Variants in PCDHAC2 observed in about 807,000 individuals in gnomAD.
PCDHAC2 encodes the protein protocadherin alpha-C2.
Under a neutral mutation model 63.3 loss-of-function variants are expected in PCDHAC2, and 24 were observed. That is an observed-to-expected ratio of 0.38 (90% CI 0.27 to 0.53). The LOEUF is 0.53. Ranked by LOEUF, PCDHAC2 falls within the 20% of genes least tolerant of loss-of-function variation. The pLI is 0.81. For missense variants in PCDHAC2, 1,181 were observed against 1,275.2 expected, an observed-to-expected ratio of 0.93 and a Z score of 1.12; for synonymous variants, 569 against 529.4, an observed-to-expected ratio of 1.07 and a Z score of -1.03.
chr5:140,986,198 C>T (rs782730684), intron 3 of PCDHAC2, among the ~76,000 whole-genome samples: 1 of 152,200 alleles, frequency 6.6e-6, no homozygotes, highest in African/African-American at 2.4e-5. Flanking sequence ...ATTGGTTAAT[C>T]CTGATTACTG....
At position 140,968,396 on chromosome 5, in the gene PCDHAC2, G is replaced by A. The variant is rs1181874720; in HGVS notation, c.1630G>A (p.Glu544Lys). The A allele has an allele frequency of 6.2e-7, 1 of 1,613,890 alleles. No homozygotes were observed. The highest frequency in any genetic ancestry group is 8.5e-7 in the Non-Finnish European group (1 of 1,180,012). ...CTCCTTTGACTATGAGAAGTTTCGG[G>A]AGTTCTTTGTGACTGTGGAGGCTCA... is the stretch of plus-strand genomic sequence containing the variant. ...VNSFDYEKFR[E>K]FFVTVEAQDK... is the part of the protein sequence containing the mutation. Residue 544 changes from glutamate to lysine, a missense_variant, in exon 1 of 4, where the codon GAG (glutamate) becomes AAG (lysine). Coordinates refer to ENST00000289269, the MANE Select transcript of PCDHAC2 (RefSeq NM_018899.6).
At chr5:140,993,894 A>G (rs1267639459) in intron 3 of PCDHAC2, among the ~76,000 whole-genome samples, 2 of 152,204 alleles carry the variant, frequency 1.3e-5, no homozygotes, top group African/African-American at 4.8e-5. Flanking sequence ...TGATGTCCAT[A>G]CAACAAAAAT....
At position 140,968,961 on chromosome 5, in the gene PCDHAC2, A is replaced by G. The variant is rs1554231270; in HGVS notation, c.2195A>G (p.Tyr732Cys). ...TIIILSIIKC[Y>C]RYTAYGTACC... ...ATCATTTTGAGCATCATCAAGTGCT[A>G]CCGCTACACTGCGTATGGCACTGCA... is the stretch of plus-strand genomic sequence containing the variant. The change falls in exon 1 of 4, where the codon TAC becomes TGC. Residue 732 changes from tyrosine to cysteine, a missense_variant. Tyr to Cys is a radical substitution (Grantham distance 194). Around this residue, in one of 3 missense-constraint regions of PCDHAC2, gnomAD observed 968 missense variants for 1,073.5 expected, o/e 0.90. Transcript: ENST00000289269. The G allele has an allele frequency of 6.2e-7, 1 of 1,614,088 alleles. No individual in the cohort carries two copies. Among genetic ancestry groups the G allele is most frequent in the African/African-American group, 1.3e-5 (1 of 74,936 alleles).
chr5:140,988,038 T>C (rs1045669411), intron 3 of PCDHAC2, among the ~76,000 whole-genome samples: 1 of 152,212 alleles, frequency 6.6e-6, no homozygotes, highest in African/African-American at 2.4e-5. Flanking sequence ...TTTTAGAATC[T>C]GTTTAGGAGC....
At chr5:140,977,097 G>T (rs988046010) in intron 1 of PCDHAC2, among the ~76,000 whole-genome samples, 2 of 152,222 alleles carry the variant, frequency 1.3e-5, no homozygotes, top group African/African-American at 4.8e-5. Flanking sequence ...GTGTCATTGG[G>T]GAAGTGAGAT....
intron 2 of PCDHAC2, among the ~76,000 whole-genome samples, chr5:140,980,573 T>G (rs1040024915): frequency 6.6e-6 from 1 of 152,066 alleles, no homozygotes; most frequent in Non-Finnish European, 1.5e-5. Context: ...GAAGTTGCAG[T>G]GAGCCAAGAT....
In PCDHAC2 at chr5:140,966,689, G is replaced by A. The variant is rs1002366053; in HGVS notation, c.-78G>A. 2.2e-6 allele frequency: 3 copies of A among 1,343,650 alleles called. No individual in the cohort carries two copies. Among genetic ancestry groups the A allele is most frequent in the Non-Finnish European group, 2.9e-6 (3 of 1,045,260 alleles). The allele number at this position is 1,343,650 out of a possible 1,614,324, so 83.2% of individuals were successfully genotyped here. A position where few individuals can be genotyped will look rare whatever the true frequency, so the allele number is the denominator to read the frequency against. On this transcript the variant is annotated 5_prime_UTR_variant, in exon 1 of 4. Transcript: ENST00000289269. ...GGCGCAGGGTGGCACGAGCGGAGGC[G>A]GGGCCCGGGCGTGGGGCACGGCTGG... is the stretch of plus-strand genomic sequence containing the variant.
At chr5:141,009,391 C>T (rs1006846075) in intron 3 of PCDHAC2, among the ~76,000 whole-genome samples, 1 of 152,086 alleles carries the variant, frequency 6.6e-6, no homozygotes, top group Non-Finnish European at 1.5e-5. Context: ...CACAGGAGGT[C>T]GAGGCTGCAG....
chr5:140,966,863 C>T lies in PCDHAC2; in HGVS notation c.97C>T (p.Leu33=). Residue 33 remains leucine, a synonymous_variant, in exon 1 of 4, where the codon CTG becomes TTG. Coordinates refer to ENST00000289269, the MANE Select transcript of PCDHAC2 (RefSeq NM_018899.6). The part of the protein sequence containing the change: ...LLLLPLLLLL[L]LLLPGPAASQ... ...GCTACTGCCTCTCCTGCTGCTGTTG[C>T]TGCTGCTGCTACCTGGCCCTGCGGC... is the stretch of plus-strand genomic sequence containing the variant. The T allele has an allele frequency of 6.4e-7, 1 of 1,562,680 alleles. No individual in the cohort carries two copies. Among genetic ancestry groups the T allele is most frequent in the East Asian group, 2.3e-5 (1 of 43,050 alleles).
Position 141,010,117 on chromosome 5 carries a change from T to C in PCDHAC2, c.*180T>C. Reference sequence around the variant, plus strand: ...TTTAACAGGTTTTGTCGTAAAAGCTTTACTAAGTCTGGTGTTAACTCTTTC... The same window carrying C: ...TTTAACAGGTTTTGTCGTAAAAGCTCTACTAAGTCTGGTGTTAACTCTTTC... On this transcript the variant is annotated 3_prime_UTR_variant, in exon 4 of 4. Transcript: ENST00000289269. 1 of 1,608,612 alleles carries C rather than the reference T, an allele frequency of 6.2e-7. No individual in the cohort carries two copies. The highest frequency in any genetic ancestry group is 8.5e-7 in the Non-Finnish European group (1 of 1,177,044).
At chr5:141,006,483 G>T (rs1351534173) in intron 3 of PCDHAC2, among the ~76,000 whole-genome samples, 1 of 152,126 alleles carries the variant, frequency 6.6e-6, no homozygotes, top group Non-Finnish European at 1.5e-5. Context: ...AAAGTGCTGG[G>T]ATTACATGTG....
At chr5:141,006,372 C>T (rs781874533) in intron 3 of PCDHAC2, among the ~76,000 whole-genome samples, 10 of 151,926 alleles carry the variant, frequency 6.6e-5, no homozygotes, top group Non-Finnish European at 1.0e-4. Context: ...CCACCACGCC[C>T]GGCTAAGTTT....
intron 3 of PCDHAC2, among the ~76,000 whole-genome samples, chr5:141,006,816 G>C (rs1554260932): frequency 6.6e-6 from 1 of 152,082 alleles, no homozygotes; most frequent in African/African-American, 2.4e-5. Flanking sequence ...TGAGAAATGG[G>C]GTAAATGGGG....
chr5:140,972,621 G>T (rs1278363112), intron 1 of PCDHAC2, among the ~76,000 whole-genome samples: 1 of 148,458 alleles, frequency 6.7e-6, no homozygotes, highest in South Asian at 2.1e-4. Flanking sequence ...ACTGAATGTT[G>T]TTGGCACTCC....
chr5:141,000,393 CTCTATATATATA>C (rs1208951211), intron 3 of PCDHAC2, among the ~76,000 whole-genome samples: 9 of 52,848 alleles, frequency 1.7e-4, no homozygotes, highest in African/African-American at 6.4e-4. Context: ...CTCTCTCTCT[CTCTATATATATA>C]TATATATATA....
At chr5:141,002,435 C>A (rs958320342) in intron 3 of PCDHAC2, among the ~76,000 whole-genome samples, 3 of 152,280 alleles carry the variant, frequency 2.0e-5, no homozygotes, top group South Asian at 2.1e-4. Flanking sequence ...AGGCAATAAC[C>A]ATAATAATTG....
chr5:140,998,220 C>G (rs1554256199), intron 3 of PCDHAC2, among the ~76,000 whole-genome samples: 1 of 152,106 alleles, frequency 6.6e-6, no homozygotes, highest in African/African-American at 2.4e-5. Context: ...ATAACCACAC[C>G]CAGAAATTTG....
intron 3 of PCDHAC2, among the ~76,000 whole-genome samples, chr5:140,989,980 C>T (rs1172154204): frequency 6.6e-6 from 1 of 152,012 alleles, no homozygotes; most frequent in South Asian, 2.1e-4. Context: ...AGCAACAGCC[C>T]TGCCTGAAAT....
Position 140,968,921 on chromosome 5 carries a change from T to C in PCDHAC2, c.2155T>C (p.Phe719Leu), listed in dbSNP as rs111394602. Residue 719 changes from phenylalanine to leucine, a missense_variant, in exon 1 of 4, where the codon TTT becomes CTT. Phe to Leu is a conservative substitution (Grantham distance 22). This residue lies in a region of PCDHAC2 where 968 missense variants were observed against 1,073.5 expected (regional missense o/e 0.90). Coordinates refer to ENST00000289269, the MANE Select transcript of PCDHAC2 (RefSeq NM_018899.6). ...AGCATTAAGCACAGTGTCTTTTATA[T>C]TTCTTTTGACAATCATCATTTTGAG... ...IIALSTVSFI[F>L]LLTIIILSII... The C allele has an allele frequency of 2.1e-5, 34 of 1,614,098 alleles. No individual in the cohort carries two copies. The highest frequency in any genetic ancestry group is 2.6e-5 in the Non-Finnish European group (31 of 1,180,052).
Sources: allele counts gnomAD v4.1 joint callset (sites outside exome capture counted in the v4.1 genomes callset), GRCh38; gene constraint gnomAD v4.1.1; regional missense constraint gnomAD v4.1.1; transcripts MANE v1.5; gene names NCBI Gene and HGNC (gene_info 2026-07-23, HGNC 2026-07-21).